The following DHX8 variants were observed in gnomAD, a reference collection of about 807,000 sequenced individuals.
DHX8 encodes the protein DEAH-box helicase 8.
DHX8 carries 67 observed loss-of-function variants against 140.7 expected under a neutral mutation model. The ratio of observed to expected loss-of-function variants is 0.48; its 90% CI spans 0.39 to 0.58. The LOEUF is 0.58. Among genes scored for constraint, DHX8 ranks in the 20% least tolerant of loss-of-function variants. The pLI, the probability that DHX8 is intolerant of heterozygous loss-of-function variation, is 0.00. For synonymous variants in DHX8, 533 were observed against 553.2 expected, an observed-to-expected ratio of 0.96 and a Z score of 0.51; for missense variants, 887 against 1,550.7, an observed-to-expected ratio of 0.57 and a Z score of 7.19.
In DHX8 at chr17:43,507,871, G is replaced by A; in HGVS notation, c.2172G>A (p.Lys724=). ...CCTCAGCCACCTTGGATGCAGTGAA[G>A]TTTTCTCAATACTTCTATGAAGCTC... The part of the protein sequence containing the change: ...IVTSATLDAV[K]FSQYFYEAPI... Residue 724 remains lysine, a synonymous_variant, in exon 15 of 23, where the codon AAG becomes AAA. Coordinates refer to ENST00000262415, the MANE Select transcript of DHX8 (RefSeq NM_004941.3). 6.2e-7 allele frequency: 1 copy of A among 1,614,202 alleles called. No homozygotes were observed. Among genetic ancestry groups the A allele is most frequent in the Non-Finnish European group, 8.5e-7 (1 of 1,180,036 alleles).
rs948565500 is a variant in DHX8, at chr17:43,507,888, A to G, written c.2189A>G (p.Tyr730Cys). 7.4e-6 allele frequency: 12 copies of G among 1,614,078 alleles called. No homozygotes were observed. The highest frequency in any genetic ancestry group is 2.7e-5 in the African/African-American group (2 of 74,926). The change falls in exon 15 of 23, where the codon TAT (tyrosine) becomes TGT (cysteine). Residue 730 changes from tyrosine to cysteine, a missense_variant. Tyr to Cys is a radical substitution (Grantham distance 194). Around this residue, in one of 9 missense-constraint regions of DHX8, gnomAD observed 1 missense variants for 28.6 expected, o/e 0.03. Coordinates refer to ENST00000262415, the MANE Select transcript of DHX8 (RefSeq NM_004941.3). ...LDAVKFSQYFYEAPIFTIPGR... is the reference protein window; with the variant it reads ...LDAVKFSQYFCEAPIFTIPGR... ...GCAGTGAAGTTTTCTCAATACTTCT[A>G]TGAAGCTCCCATTTTCACCATCCCA...
chr17:43,497,513 A>C (rs1314460862), intron 9 of DHX8, among the ~76,000 whole-genome samples: 3 of 152,040 alleles, frequency 2.0e-5, no homozygotes, highest in Admixed American at 1.3e-4. Context: ...GCACTTTGGG[A>C]GGCTGGCTGA....
chr17:43,527,771 C>A (rs1970661777), downstream of DHX8: 1 of 213,924 alleles, frequency 4.7e-6, no homozygotes, highest in Admixed American at 5.9e-5. Flanking sequence ...CCAGTCAGCT[C>A]TGCTTCAAGA....
intron 2 of DHX8, chr17:43,533,809 T>C (rs192287200): frequency 1.9e-6 from 3 of 1,592,866 alleles, no homozygotes; most frequent in Non-Finnish European, 2.6e-6. Flanking sequence ...CCTGCCTCCC[T>C]CCTCTGGAAC....
intron 12 of DHX8, among the ~76,000 whole-genome samples, chr17:43,506,255 C>G (rs1969489584): frequency 6.6e-6 from 1 of 151,546 alleles, no homozygotes; most frequent in South Asian, 2.1e-4. Context: ...ATCCTCCCTC[C>G]TTGGCCTCCC....
intron 3 of DHX8, among the ~76,000 whole-genome samples, chr17:43,537,911 C>T (rs1298002017): frequency 6.6e-6 from 1 of 151,848 alleles, no homozygotes. Flanking sequence ...GGCAGATCAC[C>T]AGGTCAGGAG....
chr17:43,485,962 C>A lies in DHX8; in HGVS notation c.148+1777C>A, dbSNP rs373974702. On this transcript the variant is annotated intron_variant, in intron 1 of 22. Coordinates refer to ENST00000262415, the MANE Select transcript of DHX8 (RefSeq NM_004941.3). ...CTGTAATCCCAGCACTTTGGAAGGC[C>A]AAGACAGGCCGATCCCCTGAGGTCA... is the stretch of plus-strand genomic sequence containing the variant. 3.6e-3 allele frequency among the ~76,000 whole-genome samples: 551 copies of A among 152,176 alleles called. 4 individuals carry two copies. The highest frequency in any genetic ancestry group is 0.021 in the South Asian group (99 of 4,822).
At chr17:43,508,714 G>T (rs1364049281) in intron 16 of DHX8, among the ~76,000 whole-genome samples, 194 bp downstream of exon 16, 1 of 151,810 alleles carries the variant, frequency 6.6e-6, no homozygotes. Flanking sequence ...CCGCCTCCCG[G>T]GTTCACGCCA....
chr17:43,498,775 G>A (rs1313177221), intron 9 of DHX8, 87 bp from the exon 10 acceptor site: 2 of 1,092,258 alleles, frequency 1.8e-6, no homozygotes, highest in East Asian at 2.6e-5. Flanking sequence ...GATAAAGATT[G>A]TTGGTACCTA....
At chr17:43,487,019 T>A (rs950480118) in intron 1 of DHX8, among the ~76,000 whole-genome samples, 2 of 152,330 alleles carry the variant, frequency 1.3e-5, no homozygotes, top group African/African-American at 4.8e-5. Flanking sequence ...ATGTAGCCTC[T>A]GAAGTTAGAT....
At chr17:43,508,563 T>C (rs1446504729) in intron 16 of DHX8, 43 bp downstream of exon 16, 1 of 1,409,506 alleles carries the variant, frequency 7.1e-7, no homozygotes, top group East Asian at 2.3e-5. Flanking sequence ...CCTGAAACCA[T>C]GTGTTGTGTG....
intron 2 of DHX8, chr17:43,532,713 C>T: frequency 6.2e-7 from 1 of 1,613,816 alleles, no homozygotes; most frequent in Non-Finnish European, 8.5e-7. Context: ...TGTTTGATCA[C>T]CACCCCCGCC....
intron 2 of DHX8, chr17:43,532,817 T>C: frequency 6.2e-7 from 1 of 1,614,042 alleles, no homozygotes; most frequent in Non-Finnish European, 8.5e-7. Context: ...CTTAAAGCTC[T>C]GCTGGGGATA....
downstream of DHX8, chr17:43,529,934 G>A: frequency 6.2e-7 from 1 of 1,614,156 alleles, no homozygotes; most frequent in Non-Finnish European, 8.5e-7. Context: ...TGGTCGCAGA[G>A]GTTTCTCATA....
intron 10 of DHX8, 148 bp from the exon 11 acceptor site, chr17:43,499,808 C>T (rs1490402323): frequency 1.1e-5 from 9 of 843,018 alleles, no homozygotes; most frequent in Admixed American, 7.1e-5. Flanking sequence ...GAATATGCTA[C>T]GGTTTATCCA....
At position 43,507,101 on chromosome 17, in the gene DHX8, C is replaced by T; in HGVS notation, c.1827C>T (p.Ser609=). The T allele has an allele frequency of 2.5e-6, 4 of 1,614,062 alleles. No homozygotes were observed. Among genetic ancestry groups the T allele is most frequent in the Non-Finnish European group, 3.4e-6 (4 of 1,180,016 alleles). ...ACCTGGCGGAGGCAGGCTACACTTC[C>T]AGGGGCAAGATTGGGTGTACCCAGC... ...TQYLAEAGYT[S]RGKIGCTQPR... is the part of the protein sequence containing the mutation. Residue 609 remains serine (S), a synonymous_variant, in exon 13 of 23, where the codon TCC becomes TCT. Coordinates refer to ENST00000262415, the MANE Select transcript of DHX8 (RefSeq NM_004941.3).
At chr17:43,541,755 C>G (rs1024803804) in intron 3 of DHX8, among the ~76,000 whole-genome samples, 5 of 152,120 alleles carry the variant, frequency 3.3e-5, no homozygotes, top group Non-Finnish European at 7.4e-5. Flanking sequence ...CTTACCCTGC[C>G]CCCACCCTGG....
At chr17:43,494,217 A>T (rs1354234095) in intron 8 of DHX8, among the ~76,000 whole-genome samples, 1 of 152,202 alleles carries the variant, frequency 6.6e-6, no homozygotes, top group African/African-American at 2.4e-5. Context: ...TCGTGACAAC[A>T]GCGTGGGAAA....
At chr17:43,506,633 A>T (rs1202201798) in intron 12 of DHX8, among the ~76,000 whole-genome samples, 1 of 151,538 alleles carries the variant, frequency 6.6e-6, no homozygotes, top group African/African-American at 2.4e-5. Context: ...AAAAAAAAAA[A>T]GCCTTTTTTT....
Sources: gnomAD v4.1 joint callset for allele counts (sites outside exome capture counted in the v4.1 genomes callset) on GRCh38, gnomAD v4.1.1 for gene constraint, gnomAD v4.1.1 regional missense constraint, MANE v1.5 for transcripts, NCBI Gene and HGNC (gene_info 2026-07-23, HGNC 2026-07-21) for gene names.